Variants in MFHAS1 observed in about 807,000 individuals in gnomAD.
The protein encoded by MFHAS1 is multifunctional ROCO family signaling regulator 1.
Under a neutral mutation model 70.4 loss-of-function variants are expected in MFHAS1, and 50 were observed. That is an observed-to-expected ratio of 0.71 (90% CI 0.57 to 0.90). The LOEUF (loss-of-function observed/expected upper bound fraction) is 0.90. Among genes scored for constraint, MFHAS1 ranks in the 40% least tolerant of loss-of-function variants. The probability of loss-of-function intolerance (pLI) is 0.00; values close to 1 mark genes in which losing one functional copy is unlikely to be tolerated. For synonymous variants in MFHAS1, 952 were observed against 620.0 expected (o/e 1.54, Z -7.96); for missense variants, 1,795 against 1,347.6 (o/e 1.33, Z -5.20).
intron 1 of MFHAS1, among the ~76,000 whole-genome samples, chr8:8,863,844 T>C (rs1050603178): frequency 4.6e-5 from 7 of 152,196 alleles, no homozygotes; most frequent in African/African-American, 1.4e-4. Flanking sequence ...TGCATTTGTT[T>C]TATCTGAATT....
In MFHAS1 at chr8:8,797,466, C is replaced by T. The variant is rs529651069; in HGVS notation, c.3024G>A (p.Pro1008=). 21 of 1,614,026 alleles carry T rather than the reference C, an allele frequency of 1.3e-5. No homozygotes were observed. The highest frequency in any genetic ancestry group is 6.6e-5 in the South Asian group (6 of 91,078). The change falls in exon 2 of 3, where the codon CCG becomes CCA. Residue 1008 remains proline (P), a synonymous_variant. Coordinates refer to ENST00000276282, the MANE Select transcript of MFHAS1 (RefSeq NM_004225.3). ...FPGELLSQPR[P]EGVAEIICPK... ...GGCAAATGATCTCTGCCACTCCTTC[C>T]GGTCTGGGCTGACTCAGCAACTCCC...
At chr8:8,808,211 T>C (rs1204492238) in intron 1 of MFHAS1, among the ~76,000 whole-genome samples, 2 of 149,918 alleles carry the variant, frequency 1.3e-5, no homozygotes, top group Admixed American at 6.6e-5. Flanking sequence ...CCCCACACTG[T>C]AGACGCTCCC....
intron 1 of MFHAS1, among the ~76,000 whole-genome samples, chr8:8,880,618 A>C (rs763137938): frequency 2.6e-5 from 4 of 151,774 alleles, no homozygotes; most frequent in Non-Finnish European, 5.9e-5. Context: ...AAAGTGAAAG[A>C]AACCATTTGC....
intron 1 of MFHAS1, among the ~76,000 whole-genome samples, chr8:8,837,128 T>A (rs1807626675): frequency 6.6e-6 from 1 of 152,232 alleles, no homozygotes; most frequent in South Asian, 2.1e-4. Flanking sequence ...AAATATGAAC[T>A]ATTCTAAATA....
chr8:8,797,528 T>G (rs1435105088), intron 1 of MFHAS1, 37 bp from the exon 2 acceptor site: 1 of 1,595,198 alleles, frequency 6.3e-7, no homozygotes, highest in Non-Finnish European at 8.6e-7. Flanking sequence ...TAGGGAGATG[T>G]GCACTAAAAA....
At chr8:8,797,645 A>T (rs1471468774) in intron 1 of MFHAS1, among the ~76,000 whole-genome samples, 154 bp from the exon 2 acceptor site, 1 of 152,232 alleles carries the variant, frequency 6.6e-6, no homozygotes, top group African/African-American at 2.4e-5. Context: ...CAAGAACAGC[A>T]GAACTGCCTG....
chr8:8,838,668 C>G (rs915166144), intron 1 of MFHAS1, among the ~76,000 whole-genome samples: 3 of 152,042 alleles, frequency 2.0e-5, no homozygotes, highest in African/African-American at 4.8e-5. Context: ...CAAAAATTAG[C>G]TGGGCATGGA....
At chr8:8,794,208 C>G (rs1008361136) in intron 2 of MFHAS1, among the ~76,000 whole-genome samples, 1 of 151,858 alleles carries the variant, frequency 6.6e-6, no homozygotes, top group African/African-American at 2.4e-5. Flanking sequence ...AAAAAAAAAG[C>G]CTGACCTCTA....
chr8:8,805,278 C>T (rs1377318599), intron 1 of MFHAS1, among the ~76,000 whole-genome samples: 1 of 152,242 alleles, frequency 6.6e-6, no homozygotes, highest in East Asian at 1.9e-4. Context: ...ATCCACGTAT[C>T]ATTTCTGACC....
At position 8,873,475 on chromosome 8, in the gene MFHAS1, C is replaced by CTT. The variant is rs11454563; in HGVS notation, c.2998+16584_2998+16585dup. ...AACTATAACAGGATTTAATTGCTTA[C>CTT]TTTTTTTTTTTTTTTTTACAGGTCA... On this transcript the variant is annotated intron_variant, in intron 1 of 2. Coordinates refer to ENST00000276282, the MANE Select transcript of MFHAS1 (RefSeq NM_004225.3). 3.3e-3 allele frequency among the ~76,000 whole-genome samples: 470 copies of CTT among 142,488 alleles called. 2 individuals are homozygous for CTT. Among genetic ancestry groups the CTT allele is most frequent in the Middle Eastern group, 7.4e-3 (2 of 272 alleles). The allele number at this position is 142,488 out of a possible 152,430, so 93.5% of individuals were successfully genotyped here.
rs779794575 is a variant in MFHAS1, at chr8:8,890,377, C to T, written c.2682G>A (p.Leu894=). The T allele has an allele frequency of 6.2e-7, 1 of 1,614,200 alleles. No individual in the cohort carries two copies. Among genetic ancestry groups the T allele is most frequent in the South Asian group, 1.1e-5 (1 of 91,084 alleles). Residue 894 remains leucine, a synonymous_variant, in exon 1 of 3, where the codon TTG becomes TTA. Coordinates refer to ENST00000276282, the MANE Select transcript of MFHAS1 (RefSeq NM_004225.3). ...TGATCTGGACACTGTAGCGTGCAAA[C>T]AACCCAAGTGGAAAAGTAAAAGGAA... The part of the protein sequence containing the change: ...YSFPFTFPLG[L]FARYSVQINS...
At chr8:8,885,461 GC>G (rs1169698397) in intron 1 of MFHAS1, among the ~76,000 whole-genome samples, 1 of 152,058 alleles carries the variant, frequency 6.6e-6, no homozygotes, top group African/African-American at 2.4e-5. Flanking sequence ...CTTGCTGCAG[GC>G]CCGTGTCCTA....
intron 1 of MFHAS1, among the ~76,000 whole-genome samples, chr8:8,881,904 G>C (rs1436560301): frequency 6.6e-6 from 1 of 151,784 alleles, no homozygotes; most frequent in African/African-American, 2.4e-5. Flanking sequence ...CCAGGTGGTA[G>C]AAGGCTTTCT....
At chr8:8,807,764 A>G (rs1329776688) in intron 1 of MFHAS1, among the ~76,000 whole-genome samples, 1 of 152,240 alleles carries the variant, frequency 6.6e-6, no homozygotes, top group East Asian at 1.9e-4. Context: ...TAAGTAGCTA[A>G]AACTTCCGAG....
In MFHAS1 at chr8:8,836,286, C is replaced by T. The variant is rs550959565; in HGVS notation, c.2999-38795G>A. Among the ~76,000 whole-genome samples the T allele has an allele frequency of 3.1e-3, 474 of 152,234 alleles. 2 individuals are homozygous for T. Among genetic ancestry groups the T allele is most frequent in the Non-Finnish European group, 5.2e-3 (356 of 68,012 alleles). Reference sequence around the variant, plus strand: ...TTGAGTAGCCTCAGGTTCTGGGTGGCGTCCCTCTCAAAAAGTCTGCTTCTG... The same window carrying T: ...TTGAGTAGCCTCAGGTTCTGGGTGGTGTCCCTCTCAAAAAGTCTGCTTCTG... On this transcript the variant is annotated intron_variant, in intron 1 of 2. Coordinates refer to ENST00000276282, the MANE Select transcript of MFHAS1 (RefSeq NM_004225.3).
At chr8:8,841,747 C>CCCCA (rs1807835082) in intron 1 of MFHAS1, among the ~76,000 whole-genome samples, 1 of 152,166 alleles carries the variant, frequency 6.6e-6, no homozygotes, top group South Asian at 2.1e-4. Context: ...GCCTTCCAGA[C>CCCCA]CCCACATGGG....
chr8:8,875,940 T>C (rs1386523557), intron 1 of MFHAS1, among the ~76,000 whole-genome samples: 1 of 152,190 alleles, frequency 6.6e-6, no homozygotes, highest in Admixed American at 6.5e-5. Context: ...AAGGTGTTCA[T>C]ATGAACAGAG....
chr8:8,797,760 C>T (rs554849938), intron 1 of MFHAS1, among the ~76,000 whole-genome samples: 1 of 152,324 alleles, frequency 6.6e-6, no homozygotes, highest in South Asian at 2.1e-4. Flanking sequence ...TCTGTCACTG[C>T]TCTGCTCACC....
At chr8:8,806,002 T>C (rs888690053) in intron 1 of MFHAS1, among the ~76,000 whole-genome samples, 6 of 151,544 alleles carry the variant, frequency 4.0e-5, no homozygotes, top group African/African-American at 1.2e-4. Flanking sequence ...GCCTGGCCGT[T>C]TGGGGGTTTG....
Sources: allele counts gnomAD v4.1 joint callset (sites outside exome capture counted in the v4.1 genomes callset), GRCh38; gene constraint gnomAD v4.1.1; transcripts MANE v1.5; gene names NCBI Gene and HGNC (gene_info 2026-07-23, HGNC 2026-07-21).